Variants in ACTR3C observed in about 807,000 individuals in gnomAD.
ACTR3C encodes the protein actin related protein 3C.
ACTR3C carries 18 observed loss-of-function variants against 26.3 expected under a neutral mutation model. That is an observed-to-expected ratio of 0.68 (90% CI 0.47 to 1.01). The LOEUF (loss-of-function observed/expected upper bound fraction) is 1.01. Ranked by LOEUF, ACTR3C falls within the 50% of genes least tolerant of loss-of-function variation. The probability of loss-of-function intolerance (pLI) is 0.00; values close to 1 mark genes in which losing one functional copy is unlikely to be tolerated. For missense variants in ACTR3C, 184 were observed against 250.7 expected, an observed-to-expected ratio of 0.73 and a Z score of 1.80; for synonymous variants, 55 against 94.5, an observed-to-expected ratio of 0.58 and a Z score of 2.42.
chr7:150,003,312 AGT>A, the ACTR3C span, among the ~76,000 whole-genome samples: 1 of 152,210 alleles, frequency 6.6e-6, no homozygotes, highest in Non-Finnish European at 1.5e-5. Flanking sequence ...TAATATGTGC[AGT>A]GTGTGTGGTG....
chr7:150,017,805 A>C, the ACTR3C span, among the ~76,000 whole-genome samples: 4 of 150,186 alleles, frequency 2.7e-5, no homozygotes, highest in Non-Finnish European at 4.4e-5. Flanking sequence ...TTCCAGTGAA[A>C]ACCGCAGGCT....
the ACTR3C span, among the ~76,000 whole-genome samples, chr7:149,889,829 C>T: frequency 6.6e-6 from 1 of 152,094 alleles, no homozygotes; most frequent in Non-Finnish European, 1.5e-5. Context: ...AGAACTCTAA[C>T]CTGGACAACA....
the ACTR3C span, among the ~76,000 whole-genome samples, chr7:150,197,067 A>G: frequency 6.6e-6 from 1 of 152,128 alleles, no homozygotes; most frequent in Admixed American, 6.5e-5. Flanking sequence ...CCCACGGCAG[A>G]TTAAGACTTT....
At chr7:150,098,486 A>T in the ACTR3C span, among the ~76,000 whole-genome samples, 1 of 151,872 alleles carries the variant, frequency 6.6e-6, no homozygotes, top group East Asian at 1.9e-4. Context: ...GAAAGCCTGC[A>T]CTGTGCTAAA....
At chr7:150,303,590 GT>G (rs1482209412) in intron 1 of ACTR3C, among the ~76,000 whole-genome samples, 2 of 152,162 alleles carry the variant, frequency 1.3e-5, no homozygotes, top group Non-Finnish European at 2.9e-5. Flanking sequence ...CAAAATCGAT[GT>G]TATTCAGGCC....
the ACTR3C span, among the ~76,000 whole-genome samples, chr7:150,217,091 G>A: frequency 0.024 from 3,603 of 147,338 alleles, 100 homozygotes; most frequent in East Asian, 0.081. Flanking sequence ...TGATTTGGGG[G>A]CTCAAAGGTA....
the ACTR3C span, among the ~76,000 whole-genome samples, chr7:150,198,799 G>A: frequency 2.2e-4 from 27 of 121,026 alleles, no homozygotes; most frequent in African/African-American, 5.0e-4. Flanking sequence ...GTCCGGGAGG[G>A]AGGTGGGGGG....
the ACTR3C span, among the ~76,000 whole-genome samples, chr7:150,157,948 A>G: frequency 1.3e-5 from 2 of 152,236 alleles, no homozygotes; most frequent in Non-Finnish European, 2.9e-5. Context: ...ACTAGAAAGC[A>G]GAGAATTAAT....
chr7:149,933,739 C>T, the ACTR3C span, among the ~76,000 whole-genome samples: 1 of 152,142 alleles, frequency 6.6e-6, no homozygotes, highest in African/African-American at 2.4e-5. Context: ...TTCCATTCAA[C>T]ACTAGCAAGT....
chr7:150,017,157 A>T, the ACTR3C span, among the ~76,000 whole-genome samples: 2 of 151,786 alleles, frequency 1.3e-5, no homozygotes, highest in Non-Finnish European at 2.9e-5. Context: ...CCCACTTCCC[A>T]CTGTGGGTCC....
the ACTR3C span, among the ~76,000 whole-genome samples, chr7:150,014,897 T>C: frequency 6.6e-6 from 1 of 152,202 alleles, no homozygotes; most frequent in East Asian, 1.9e-4. Flanking sequence ...AAAGCCATGC[T>C]TTCCTCTCCA....
chr7:149,915,168 G>T, the ACTR3C span, among the ~76,000 whole-genome samples: 1 of 152,112 alleles, frequency 6.6e-6, no homozygotes, highest in Non-Finnish European at 1.5e-5. Flanking sequence ...GAGCCACCGC[G>T]CATGGCAAAT....
At chr7:150,049,493 C>A in the ACTR3C span, among the ~76,000 whole-genome samples, 1 of 152,244 alleles carries the variant, frequency 6.6e-6, no homozygotes, top group Non-Finnish European at 1.5e-5. Flanking sequence ...TGCTAAGGCT[C>A]CCTGCTCCTT....
intron 6 of ACTR3C, among the ~76,000 whole-genome samples, chr7:150,254,825 A>C (rs1297107069): frequency 6.6e-6 from 1 of 152,326 alleles, no homozygotes; most frequent in East Asian, 1.9e-4. Context: ...TGCAGCAAGC[A>C]ACAGGACCTA....
the ACTR3C span, among the ~76,000 whole-genome samples, chr7:150,238,375 C>T: frequency 7.9e-6 from 1 of 126,396 alleles, no homozygotes; most frequent in Non-Finnish European, 1.6e-5. Flanking sequence ...TGAATATGCA[C>T]CTCTCTTACA....
At chr7:150,121,084 T>G in the ACTR3C span, among the ~76,000 whole-genome samples, 52 of 152,276 alleles carry the variant, frequency 3.4e-4, 1 homozygote, top group South Asian at 0.01. Context: ...GGGACGTATC[T>G]CAAAATAATA....
At chr7:150,297,957 C>A (rs1428483553) in intron 1 of ACTR3C, among the ~76,000 whole-genome samples, 1 of 149,574 alleles carries the variant, frequency 6.7e-6, no homozygotes, top group African/African-American at 2.5e-5. Context: ...GAGCAGTGCA[C>A]AAGGAAAGAA....
At chr7:150,103,613 G>C in the ACTR3C span, among the ~76,000 whole-genome samples, 11 of 151,894 alleles carry the variant, frequency 7.2e-5, no homozygotes, top group African/African-American at 2.4e-4. Context: ...CAGACATCCT[G>C]AAGTAGTCAT....
the ACTR3C span, among the ~76,000 whole-genome samples, chr7:150,096,607 C>T: frequency 6.6e-6 from 1 of 151,774 alleles, no homozygotes; most frequent in African/African-American, 2.4e-5. Context: ...TGGACATTTC[C>T]AGGGTCCAGA....
Sources: gnomAD v4.1 joint callset for allele counts (sites outside exome capture counted in the v4.1 genomes callset) on GRCh38, gnomAD v4.1.1 for gene constraint, MANE v1.5 for transcripts, NCBI Gene and HGNC (gene_info 2026-07-23, HGNC 2026-07-21) for gene names.